Variants in RADIL observed in about 807,000 individuals in gnomAD.
The protein encoded by RADIL is ras-associating and dilute domain-containing protein.
RADIL carries 99 observed loss-of-function variants against 97.6 expected under a neutral mutation model. The observed-to-expected ratio is 1.01, with a 90% CI of 0.86 to 1.20. The LOEUF (loss-of-function observed/expected upper bound fraction) is 1.20. Among genes scored for constraint, RADIL ranks in the 50% most tolerant of loss-of-function variants. The pLI is 0.00. For synonymous variants in RADIL, 803 were observed against 691.8 expected (o/e 1.16, Z -2.52); for missense variants, 1,765 against 1,498.9 (o/e 1.18, Z -2.93).
chr7:4,838,177 C>T lies in RADIL; in HGVS notation c.536-1572G>A, dbSNP rs151259866. ...GCAGAACCCGGCCCAGCCTGGCAGG[C>T]GGCAGGTGCCCAGCAGGTGGGGCCC... On this transcript the variant is annotated intron_variant, in intron 2 of 14. Coordinates refer to ENST00000399583, the MANE Select transcript of RADIL (RefSeq NM_018059.5). The T allele has an allele frequency of 1.8e-3, 823 of 469,758 alleles. 5 individuals are homozygous for T. Among genetic ancestry groups the T allele is most frequent in the African/African-American group, 0.014 (664 of 47,232 alleles). 29.1% of individuals were successfully genotyped at this position (469,758 alleles called of 1,614,324 possible).
At chr7:4,803,271 T>C (rs1446868269) in intron 11 of RADIL, among the ~76,000 whole-genome samples, 1 of 88,898 alleles carries the variant, frequency 1.1e-5, no homozygotes, top group Non-Finnish European at 2.2e-5. Context: ...GGGGGCCCCC[T>C]CCCCGGGCAC....
At chr7:4,861,361 G>C (rs756906535) in intron 2 of RADIL, 2 of 1,613,912 alleles carry the variant, frequency 1.2e-6, no homozygotes, top group South Asian at 2.2e-5. Context: ...ATGCCTCCTC[G>C]ACAGCCCTTA....
At chr7:4,802,027 A>G in intron 11 of RADIL, 32 bp from the exon 12 acceptor site, 1 of 1,449,572 alleles carries the variant, frequency 6.9e-7, no homozygotes, top group East Asian at 2.4e-5. Flanking sequence ...GCTCAGGTAG[A>G]GGAGTGGCCA....
Position 4,803,547 on chromosome 7 carries a change from T to C in RADIL, c.2498A>G (p.Glu833Gly). Residue 833 changes from glutamate (E) to glycine (G), a missense_variant and splice_region_variant, in exon 11 of 15, where the codon GAG becomes GGG. Coordinates refer to ENST00000399583, the MANE Select transcript of RADIL (RefSeq NM_018059.5). ...GSGASQPVCP[E>G]GMHHVVLDGH... ...CTGGGGGGCCCCCTCCCCGGGTACC[T>C]CGGGGCACACTGGCTGGGAGGCCCC... 1 of 1,537,974 alleles carries C rather than the reference T, an allele frequency of 6.5e-7. No homozygotes were observed. Among genetic ancestry groups the C allele is most frequent in the Non-Finnish European group, 8.8e-7 (1 of 1,139,724 alleles).
rs916720688 is a variant in RADIL, at chr7:4,864,612, T to C, written c.535+12993A>G. ...TCTCAGTAGTCTCCATTTTAGGAAATGACATCTCTTTCTACCCAACTCTTG... is the reference window on the plus strand; with the variant it reads ...TCTCAGTAGTCTCCATTTTAGGAAACGACATCTCTTTCTACCCAACTCTTG... On this transcript the variant is annotated intron_variant, in intron 2 of 14. Coordinates refer to ENST00000399583, the MANE Select transcript of RADIL (RefSeq NM_018059.5). Among the ~76,000 whole-genome samples the C allele has an allele frequency of 8.5e-5, 13 of 152,338 alleles. 1 individual carries two copies. Among genetic ancestry groups the C allele is most frequent in the Admixed American group, 3.9e-4 (6 of 15,304 alleles).
intron 7 of RADIL, among the ~76,000 whole-genome samples, chr7:4,816,989 C>T (rs2115189038): frequency 6.6e-6 from 1 of 152,258 alleles, no homozygotes; most frequent in East Asian, 1.9e-4. Flanking sequence ...AGGAAGGGGG[C>T]GTTTCAAGGC....
rs1330370174 is a variant in RADIL, at chr7:4,835,879, C to G, written c.783+479G>C. ...TTTGCTCGGGGCGACAGCCTGCCTG[C>G]TCTGATGGAAGTGGTGAGAAACGGC... On this transcript the variant is annotated intron_variant, in intron 3 of 14. Coordinates refer to ENST00000399583, the MANE Select transcript of RADIL (RefSeq NM_018059.5). This position sits in a 1 kb window ranked among gnomAD's most constrained non-coding sequence, Gnocchi z 5.8. 6.6e-6 allele frequency among the ~76,000 whole-genome samples: 1 copy of G among 152,236 alleles called. No individual in the cohort carries two copies. Among genetic ancestry groups the G allele is most frequent in the South Asian group, 2.1e-4 (1 of 4,836 alleles).
chr7:4,829,480 AAAG>A (rs1471178609), intron 5 of RADIL, among the ~76,000 whole-genome samples: 2 of 152,150 alleles, frequency 1.3e-5, no homozygotes, highest in Non-Finnish European at 2.9e-5. Flanking sequence ...CCTACCTTTG[AAAG>A]AAGGATGGAC....
At chr7:4,862,349 G>A (rs181239946) in intron 2 of RADIL, among the ~76,000 whole-genome samples, 1 of 152,308 alleles carries the variant, frequency 6.6e-6, no homozygotes, top group East Asian at 1.9e-4. Context: ...GTGGGAACCC[G>A]CGGTGGAAAG....
intron 2 of RADIL, chr7:4,857,794 A>G (rs1328648901): frequency 6.6e-6 from 1 of 152,638 alleles, no homozygotes; most frequent in Non-Finnish European, 1.5e-5. Flanking sequence ...ATCTGTTTTC[A>G]AAACAGTGCT....
At position 4,842,100 on chromosome 7, in the gene RADIL, C is replaced by T. The variant is rs1038721891; in HGVS notation, c.536-5495G>A. Among the ~76,000 whole-genome samples, 2 of 151,654 alleles carry T rather than the reference C, an allele frequency of 1.3e-5. No homozygotes were observed. The highest frequency in any genetic ancestry group is 4.8e-5 in the African/African-American group (2 of 41,274). ...ACAAGGCCAGAGGCTGGAATAGCAG[C>T]GTAGGCCTCGTAAGGGACCATGGTT... is the stretch of plus-strand genomic sequence containing the variant. On this transcript the variant is annotated intron_variant, in intron 2 of 14. Transcript: ENST00000399583. The surrounding 1 kb of genome is among the most constrained non-coding windows in gnomAD (Gnocchi z 4.5).
chr7:4,874,584 G>A (rs1264689267), intron 2 of RADIL, among the ~76,000 whole-genome samples: 3 of 152,228 alleles, frequency 2.0e-5, no homozygotes, highest in Non-Finnish European at 4.4e-5. Context: ...CGAGGCCCAG[G>A]GGGCCAGCTC....
At position 4,835,617 on chromosome 7, in the gene RADIL, GA is replaced by G. The variant is rs2115002804; in HGVS notation, c.784-379del. Among the ~76,000 whole-genome samples, 1 of 151,938 alleles carries G rather than the reference GA, an allele frequency of 6.6e-6. No homozygotes were observed. Among genetic ancestry groups the G allele is most frequent in the African/African-American group, 2.4e-5 (1 of 41,400 alleles). ...TGTGGGAGCACTGCCGCCTGTGTGG[GA>G]GCACCACCCCCAGTGTGGGAGCACT... On this transcript the variant is annotated intron_variant, in intron 3 of 14. Coordinates refer to ENST00000399583, the MANE Select transcript of RADIL (RefSeq NM_018059.5). This position sits in a 1 kb window ranked among gnomAD's most constrained non-coding sequence, Gnocchi z 5.8.
intron 5 of RADIL, among the ~76,000 whole-genome samples, chr7:4,823,602 G>A (rs537327801): frequency 3.9e-5 from 6 of 152,272 alleles, no homozygotes; most frequent in Admixed American, 2.0e-4. Flanking sequence ...GCTGCCTTCC[G>A]GCTCAGTGCT....
intron 2 of RADIL, among the ~76,000 whole-genome samples, chr7:4,839,392 A>T (rs1043876557): frequency 5.9e-5 from 9 of 152,130 alleles, no homozygotes; most frequent in African/African-American, 2.2e-4. Flanking sequence ...GAGAATTCAA[A>T]CAAATGTGTT....
intron 10 of RADIL, chr7:4,804,182 T>C (rs1277509668): frequency 2.2e-5 from 6 of 276,760 alleles, no homozygotes; most frequent in Admixed American, 2.1e-4. Flanking sequence ...AAACGGCCTG[T>C]GTGCGGGCTG....
At chr7:4,859,503 T>C (rs144061116) in intron 2 of RADIL, 16 of 183,670 alleles carry the variant, frequency 8.7e-5, no homozygotes, top group African/African-American at 3.1e-4. Context: ...CACATACTAA[T>C]GTGGACTTCT....
Position 4,814,292 on chromosome 7 carries a change from G to A in RADIL, c.2139+986C>T, listed in dbSNP as rs896051234. On this transcript the variant is annotated intron_variant, in intron 9 of 14. Transcript: ENST00000399583. This position sits in a 1 kb window ranked among gnomAD's most constrained non-coding sequence, Gnocchi z 4.5. Reference sequence around the variant, plus strand: ...TAGGATCCAGACAGCCTCATTTTACGAATTTTCTACAGTCAATAAAAATGC... The same window carrying A: ...TAGGATCCAGACAGCCTCATTTTACAAATTTTCTACAGTCAATAAAAATGC... 1.3e-5 allele frequency among the ~76,000 whole-genome samples: 2 copies of A among 152,142 alleles called. No homozygotes were observed. Among genetic ancestry groups the A allele is most frequent in the South Asian group, 2.1e-4 (1 of 4,826 alleles).
At position 4,813,259 on chromosome 7, in the gene RADIL, G is replaced by A. The variant is rs1266601136; in HGVS notation, c.2139+2019C>T. Among the ~76,000 whole-genome samples, 4 of 152,092 alleles carry A rather than the reference G, an allele frequency of 2.6e-5. No homozygotes were observed. Among genetic ancestry groups the A allele is most frequent in the South Asian group, 2.1e-4 (1 of 4,824 alleles). On this transcript the variant is annotated intron_variant, in intron 9 of 14. Coordinates refer to ENST00000399583, the MANE Select transcript of RADIL (RefSeq NM_018059.5). The surrounding 1 kb of genome is among the most constrained non-coding windows in gnomAD (Gnocchi z 5.0). ...CTCCCAAGTAGCTGGCACTACAGGC[G>A]TTTGCCCCATGCCTGCCTCTCACCC...
Sources: allele counts gnomAD v4.1 joint callset (sites outside exome capture counted in the v4.1 genomes callset), GRCh38; gene constraint gnomAD v4.1.1; non-coding constraint Gnocchi (gnomAD v3.1); transcripts MANE v1.5; gene names NCBI Gene and HGNC (gene_info 2026-07-23, HGNC 2026-07-21).